The following PEAK1 variants were observed in gnomAD, a reference collection of about 807,000 sequenced individuals.
PEAK1 encodes the protein inactive tyrosine-protein kinase PEAK1.
A neutral mutation model predicts 124.7 loss-of-function variants in PEAK1; 54 were observed. The ratio of observed to expected loss-of-function variants is 0.43; its 90% CI spans 0.35 to 0.54. PEAK1 has a LOEUF of 0.54. PEAK1 is among the 20% of genes least tolerant of loss of function. The pLI is 0.01. For missense variants in PEAK1, 2,046 were observed against 2,134.5 expected, an observed-to-expected ratio of 0.96 and a Z score of 0.82; for synonymous variants, 719 against 760.0, an observed-to-expected ratio of 0.95 and a Z score of 0.89.
chr15:77,265,184 C>A (rs2061654868), intron 5 of PEAK1, among the ~76,000 whole-genome samples: 1 of 152,146 alleles, frequency 6.6e-6, no homozygotes, highest in Admixed American at 6.5e-5. Flanking sequence ...CCATTCAGGA[C>A]ATAGGCATGG....
chr15:77,228,497 A>G (rs2059773640), intron 6 of PEAK1, among the ~76,000 whole-genome samples: 1 of 152,174 alleles, frequency 6.6e-6, no homozygotes, highest in Non-Finnish European at 1.5e-5. Flanking sequence ...TGCCTGGTCC[A>G]CAGTCCTCAT....
chr15:77,180,010 A>C lies in PEAK1; in HGVS notation c.1917T>G (p.Ala639=), dbSNP rs776566579. The part of the protein sequence containing the change: ...VINPNAYDNL[A]IYKSFLGTSG... ...TTGTTCCCAGAAAACTTTTGTAGAT[A>C]GCTAGATTGTCATATGCATTTGGAT... is the stretch of plus-strand genomic sequence containing the variant. Residue 639 remains alanine (A), a synonymous_variant, in exon 7 of 10, where the codon GCT becomes GCG. Coordinates refer to ENST00000682557, the MANE Select transcript of PEAK1 (RefSeq NM_001385026.1). The C allele has an allele frequency of 2.5e-6, 4 of 1,614,010 alleles. No individual in the cohort carries two copies. The highest frequency in any genetic ancestry group is 3.4e-6 in the Non-Finnish European group (4 of 1,179,984).
At chr15:77,393,576 G>C (rs1453238704) in intron 1 of PEAK1, among the ~76,000 whole-genome samples, 1 of 152,164 alleles carries the variant, frequency 6.6e-6, no homozygotes, top group Non-Finnish European at 1.5e-5. Flanking sequence ...CTGGCAGGAT[G>C]CATCATCTGC....
At chr15:77,366,584 C>T (rs542497515) in intron 1 of PEAK1, among the ~76,000 whole-genome samples, 7 of 152,146 alleles carry the variant, frequency 4.6e-5, no homozygotes, top group African/African-American at 1.7e-4. Context: ...GAGACAGGAT[C>T]TCACTCTGTC....
intron 6 of PEAK1, among the ~76,000 whole-genome samples, chr15:77,229,649 CTTT>C (rs200956203): frequency 5.0e-5 from 7 of 138,948 alleles, no homozygotes; most frequent in Non-Finnish European, 7.9e-5. Context: ...TCTTTTCTTT[CTTT>C]TTTTTTTTTT....
intron 2 of PEAK1, chr15:77,333,690 A>T: frequency 2.1e-6 from 2 of 972,748 alleles, no homozygotes; most frequent in Non-Finnish European, 2.4e-6. Flanking sequence ...TTTGTTTACT[A>T]ATTCATTCTC....
At chr15:77,390,636 A>C (rs919573166) in intron 1 of PEAK1, among the ~76,000 whole-genome samples, 1 of 152,258 alleles carries the variant, frequency 6.6e-6, no homozygotes, top group Non-Finnish European at 1.5e-5. Context: ...GTACATGTTA[A>C]TATTTACTGA....
chr15:77,348,007 T>A (rs994289724), intron 2 of PEAK1: 4 of 985,238 alleles, frequency 4.1e-6, no homozygotes, highest in Admixed American at 6.1e-5. Context: ...AATAGTGCTA[T>A]AATGTTAAAA....
chr15:77,266,143 C>T (rs144232914), intron 5 of PEAK1, among the ~76,000 whole-genome samples: 1 of 152,086 alleles, frequency 6.6e-6, no homozygotes, highest in East Asian at 1.9e-4. Context: ...TGGAGATATA[C>T]CTAACGCTAG....
chr15:77,159,533 A>C (rs1463465284), intron 7 of PEAK1, among the ~76,000 whole-genome samples: 1 of 152,232 alleles, frequency 6.6e-6, no homozygotes, highest in African/African-American at 2.4e-5. Flanking sequence ...TGGACTGGTC[A>C]ATTAAATTAA....
chr15:77,409,295 A>T (rs1190234249), intron 1 of PEAK1, among the ~76,000 whole-genome samples: 1 of 152,232 alleles, frequency 6.6e-6, no homozygotes, highest in South Asian at 2.1e-4. Context: ...CACACATGAT[A>T]CTATGCTTCA....
chr15:77,201,171 TC>T, intron 6 of PEAK1, among the ~76,000 whole-genome samples: 2 of 151,850 alleles, frequency 1.3e-5, no homozygotes, highest in Middle Eastern at 6.9e-3. Flanking sequence ...TCCATGTCTT[TC>T]CAACTTTAAG....
At chr15:77,348,493 C>T in intron 2 of PEAK1, 1 of 961,790 alleles carries the variant, frequency 1.0e-6, no homozygotes, top group Non-Finnish European at 1.2e-6. Flanking sequence ...GTAAACAATA[C>T]TCAAGTTGAA....
intron 2 of PEAK1, among the ~76,000 whole-genome samples, chr15:77,316,729 T>C (rs769691323): frequency 2.0e-5 from 3 of 152,150 alleles, no homozygotes; most frequent in Non-Finnish European, 4.4e-5. Flanking sequence ...AGTAACAACA[T>C]AGCTATTAAA....
rs777985165 is a variant in PEAK1, at chr15:77,114,263, C to G, written c.5134G>C (p.Asp1712His). The change falls in exon 10 of 10, where the codon GAC becomes CAC. Residue 1712 changes from aspartate to histidine, a missense_variant. Transcript: ENST00000682557. ...TCAAGGCTGATTCCACCTTCCCTGTCCAGGGACTTCTCAGCAAACTTGATC... is the reference window on the plus strand; with the variant it reads ...TCAAGGCTGATTCCACCTTCCCTGTGCAGGGACTTCTCAGCAAACTTGATC... ...LMIKFAEKSL[D>H]REGGISLEDW... 2.5e-6 allele frequency: 4 copies of G among 1,614,198 alleles called. No individual in the cohort carries two copies. Among genetic ancestry groups the G allele is most frequent in the Non-Finnish European group, 3.4e-6 (4 of 1,180,042 alleles).
At chr15:77,256,847 G>C (rs1024843807) in intron 5 of PEAK1, among the ~76,000 whole-genome samples, 60 of 152,018 alleles carry the variant, frequency 3.9e-4, no homozygotes, top group Admixed American at 7.2e-4. Flanking sequence ...TTTAGCATTA[G>C]CTATATCTCC....
chr15:77,227,654 A>C (rs899510885), intron 6 of PEAK1, among the ~76,000 whole-genome samples: 1 of 152,210 alleles, frequency 6.6e-6, no homozygotes, highest in African/African-American at 2.4e-5. Flanking sequence ...AGAATAAATA[A>C]GAAAAAAGTC....
chr15:77,193,691 C>A (rs1252778289), intron 6 of PEAK1, among the ~76,000 whole-genome samples: 1 of 152,140 alleles, frequency 6.6e-6, no homozygotes, highest in Non-Finnish European at 1.5e-5. Flanking sequence ...GTAATCCCAG[C>A]TACTTGGGAA....
At chr15:77,365,613 G>A (rs1177307604) in intron 1 of PEAK1, among the ~76,000 whole-genome samples, 1 of 151,940 alleles carries the variant, frequency 6.6e-6, no homozygotes, top group Non-Finnish European at 1.5e-5. Context: ...GGTGGTGTGT[G>A]CCTGTAGTCC....
Sources: allele counts gnomAD v4.1 joint callset (sites outside exome capture counted in the v4.1 genomes callset), GRCh38; gene constraint gnomAD v4.1.1; transcripts MANE v1.5; gene names NCBI Gene and HGNC (gene_info 2026-07-23, HGNC 2026-07-21).